ANO4: variants seen among roughly 807,000 people sequenced by gnomAD.
ANO4 encodes anoctamin-4.
ANO4 carries 69 observed loss-of-function variants against 141.9 expected under a neutral mutation model. That is an observed-to-expected ratio of 0.49 (90% CI 0.40 to 0.59). ANO4 has a LOEUF of 0.59. ANO4 is among the 20% of genes least tolerant of loss of function. The probability of loss-of-function intolerance (pLI) is 0.00; values close to 1 mark genes in which losing one functional copy is unlikely to be tolerated. For synonymous variants in ANO4, 350 were observed against 394.3 expected, an observed-to-expected ratio of 0.89 and a Z score of 1.33; for missense variants, 894 against 1,162.2, an observed-to-expected ratio of 0.77 and a Z score of 3.36.
intron 1 of ANO4, among the ~76,000 whole-genome samples, chr12:100,832,748 A>G (rs2036694681): frequency 6.6e-6 from 1 of 152,086 alleles, no homozygotes; most frequent in Middle Eastern, 3.2e-3. Context: ...AGATCTGTGG[A>G]ACCAATTTTA....
chr12:100,948,623 A>G (rs2042842229), intron 5 of ANO4, among the ~76,000 whole-genome samples: 1 of 152,214 alleles, frequency 6.6e-6, no homozygotes, highest in Non-Finnish European at 1.5e-5. Flanking sequence ...AGTTATTTAA[A>G]GAAATATACA....
chr12:101,075,706 A>C (rs1037222482), intron 14 of ANO4, among the ~76,000 whole-genome samples: 3 of 63,492 alleles, frequency 4.7e-5, no homozygotes, highest in African/African-American at 2.9e-4. Context: ...ATATATCTTT[A>C]TATAAAACAA....
intron 3 of ANO4, among the ~76,000 whole-genome samples, chr12:100,932,845 G>A (rs1336128070): frequency 6.6e-6 from 1 of 151,984 alleles, no homozygotes; most frequent in Non-Finnish European, 1.5e-5. Flanking sequence ...GCAATTTAAG[G>A]TCCTTGATCC....
chr12:100,870,003 C>G (rs2038953400), intron 1 of ANO4, among the ~76,000 whole-genome samples: 1 of 152,142 alleles, frequency 6.6e-6, no homozygotes, highest in African/African-American at 2.4e-5. Flanking sequence ...TGTTTCTCAA[C>G]AACATGATCA....
chr12:101,051,666 G>A (rs1234250621), intron 14 of ANO4, among the ~76,000 whole-genome samples: 2 of 152,186 alleles, frequency 1.3e-5, no homozygotes, highest in African/African-American at 4.8e-5. Flanking sequence ...AATCTCTCCA[G>A]CAAGCTTTTA....
intron 3 of ANO4, among the ~76,000 whole-genome samples, chr12:100,775,571 A>G (rs1307918336): frequency 5.9e-5 from 9 of 152,212 alleles, no homozygotes; most frequent in Admixed American, 5.9e-4. Flanking sequence ...GTCTCTCAGA[A>G]TCTCAAGTAT....
chr12:100,894,014 T>C (rs573154137), intron 1 of ANO4, among the ~76,000 whole-genome samples: 85 of 152,182 alleles, frequency 5.6e-4, no homozygotes, highest in Non-Finnish European at 9.3e-4. Context: ...ATTCTTCATG[T>C]AGATATTGAG....
At position 100,775,447 on chromosome 12, in the gene ANO4, A is replaced by G. The variant is rs535124697; in HGVS notation, c.358+35342A>G. ...GCTTTGCATTCTTTATTAAAGCAGA[A>G]TATAAACGATACCTGATAGTGGGAC... is the stretch of plus-strand genomic sequence containing the variant. On this transcript the variant is annotated intron_variant, in intron 3 of 29. Coordinates refer to the ANO4 transcript ENST00000644049. Among the ~76,000 whole-genome samples the G allele has an allele frequency of 4.0e-4, 61 of 152,306 alleles. 1 individual carries two copies. In the South Asian group the frequency reaches 5.2e-3, roughly 13 times the overall value.
intron 3 of ANO4, among the ~76,000 whole-genome samples, chr12:100,756,208 T>C (rs1408257900): frequency 6.6e-6 from 1 of 152,222 alleles, no homozygotes; most frequent in African/African-American, 2.4e-5. Flanking sequence ...TAAAATGTTT[T>C]TGAAAGCTTT....
At chr12:101,087,432 A>G (rs768102250) in intron 17 of ANO4, among the ~76,000 whole-genome samples, 54 of 151,954 alleles carry the variant, frequency 3.6e-4, no homozygotes, top group Non-Finnish European at 7.1e-4. Flanking sequence ...CTGAGGTGGG[A>G]AGGTCACTTG....
At chr12:100,836,648 G>A (rs1456340684) in intron 1 of ANO4, among the ~76,000 whole-genome samples, 1 of 148,648 alleles carries the variant, frequency 6.7e-6, no homozygotes, top group Non-Finnish European at 1.5e-5. Flanking sequence ...CAGGAAAGAG[G>A]AGGTCTTCTA....
chr12:100,787,623 G>A (rs1477205482), intron 3 of ANO4, among the ~76,000 whole-genome samples: 1 of 152,136 alleles, frequency 6.6e-6, no homozygotes, highest in Non-Finnish European at 1.5e-5. Context: ...TCGCTCTGGG[G>A]AAAATTAATA....
intron 13 of ANO4, among the ~76,000 whole-genome samples, chr12:101,046,152 T>C (rs1335296067): frequency 6.6e-6 from 1 of 152,248 alleles, no homozygotes; most frequent in African/African-American, 2.4e-5. Flanking sequence ...CAGTTTCATT[T>C]TTAAACCTGC....
Position 100,847,524 on chromosome 12 carries a change from C to T in ANO4, c.-141+52497C>T, listed in dbSNP as rs536093881. ...TCTCACTCTGTCACTCAGGCTGGAG[C>T]GCAGTGGTGCAATCTCGGCTCACTG... On this transcript the variant is annotated intron_variant, in intron 1 of 27. Transcript: ENST00000392977. Among the ~76,000 whole-genome samples the T allele has an allele frequency of 1.1e-3, 155 of 141,116 alleles. 5 individuals carry two copies. The South Asian group carries it at 0.032, about 29-fold the overall frequency. 92.6% of individuals were successfully genotyped at this position (141,116 alleles called of 152,430 possible). A position where few individuals can be genotyped will look rare whatever the true frequency, so the allele number is the denominator to read the frequency against.
At chr12:100,999,353 C>T (rs1438803066) in intron 8 of ANO4, among the ~76,000 whole-genome samples, 1 of 152,220 alleles carries the variant, frequency 6.6e-6, no homozygotes, top group Non-Finnish European at 1.5e-5. Context: ...TCTCACATCA[C>T]ATCACTCTGA....
At chr12:100,880,783 A>G (rs1279615987) in intron 1 of ANO4, among the ~76,000 whole-genome samples, 1 of 152,170 alleles carries the variant, frequency 6.6e-6, no homozygotes, top group Non-Finnish European at 1.5e-5. Context: ...TATATGGCGA[A>G]TGTAACTTTT....
At chr12:100,861,713 A>G (rs1279269705) in intron 1 of ANO4, among the ~76,000 whole-genome samples, 1 of 152,204 alleles carries the variant, frequency 6.6e-6, no homozygotes, top group Non-Finnish European at 1.5e-5. Flanking sequence ...TTTGCTGTAT[A>G]AACTTATTTA....
At chr12:101,029,610 A>C (rs1247068206) in intron 9 of ANO4, among the ~76,000 whole-genome samples, 2 of 152,138 alleles carry the variant, frequency 1.3e-5, no homozygotes, top group African/African-American at 4.8e-5. Flanking sequence ...AGAACAATTC[A>C]ACAAGAAGAA....
chr12:101,126,195 A>T (rs1311430952), intron 26 of ANO4, among the ~76,000 whole-genome samples: 1 of 152,248 alleles, frequency 6.6e-6, no homozygotes, highest in East Asian at 1.9e-4. Flanking sequence ...ACTTAGCAGT[A>T]TCATTTGAAC....
Sources: gnomAD v4.1 joint callset for allele counts (sites outside exome capture counted in the v4.1 genomes callset) on GRCh38, gnomAD v4.1.1 for gene constraint, MANE v1.5 for transcripts, NCBI Gene and HGNC (gene_info 2026-07-23, HGNC 2026-07-21) for gene names.